The following ADNP variants were observed in gnomAD, a reference collection of about 807,000 sequenced individuals.
ADNP encodes the protein activity dependent neuroprotector homeobox.
Under a neutral mutation model 84.9 loss-of-function variants are expected in ADNP, and 4 were observed. The observed-to-expected ratio is 0.05, with a 90% CI of 0.02 to 0.11. ADNP has a LOEUF of 0.11. ADNP is among the 10% of genes least tolerant of loss of function. The probability of loss-of-function intolerance (pLI) is 1.00; values close to 1 mark genes in which losing one functional copy is unlikely to be tolerated. For missense variants in ADNP, 1,132 were observed against 1,326.0 expected, an observed-to-expected ratio of 0.85 and a Z score of 2.27; for synonymous variants, 554 against 468.1, an observed-to-expected ratio of 1.18 and a Z score of -2.37.
intron 5 of ADNP, among the ~76,000 whole-genome samples, chr20:50,896,621 C>T (rs915407665): frequency 1.1e-4 from 17 of 152,278 alleles, no homozygotes; most frequent in African/African-American, 3.4e-4. Flanking sequence ...CAAACGCATA[C>T]GTTAGTCTAG....
chr20:50,889,273 C>G lies in ADNP; in HGVS notation c.*2132G>C, dbSNP rs545245652. 1 of 152,294 alleles carries G rather than the reference C, an allele frequency of 6.6e-6. No individual in the cohort carries two copies. The highest frequency in any genetic ancestry group is 1.9e-4 in the East Asian group (1 of 5,180). The allele number at this position is 152,294 out of a possible 1,614,324, so 9.4% of individuals were successfully genotyped here. On this transcript the variant is annotated 3_prime_UTR_variant, in exon 6 of 6. Coordinates refer to ENST00000621696, the MANE Select transcript of ADNP (RefSeq NM_001282531.3). Reference sequence around the variant, plus strand: ...GTCTTGTACAAGTCTCATTAGTCCTCCACGTACAACTCAGAAGCCTGTTAA... The same window carrying G: ...GTCTTGTACAAGTCTCATTAGTCCTGCACGTACAACTCAGAAGCCTGTTAA...
intron 2 of ADNP, chr20:50,914,408 G>T: frequency 1.9e-6 from 1 of 520,716 alleles, no homozygotes; most frequent in East Asian, 3.5e-5. Flanking sequence ...AAACAGCTTG[G>T]ATTTCTTCTT....
intron 2 of ADNP, among the ~76,000 whole-genome samples, chr20:50,922,935 G>A (rs1232726557): frequency 6.6e-6 from 1 of 151,886 alleles, no homozygotes; most frequent in Admixed American, 6.6e-5. Flanking sequence ...CCTTCCCCGG[G>A]GTATAGGGCC....
chr20:50,903,778 T>C, intron 4 of ADNP, 111 bp downstream of exon 4: 1 of 767,382 alleles, frequency 1.3e-6, no homozygotes, highest in Non-Finnish European at 2.1e-6. Context: ...AAGCTACTGC[T>C]GTGGCTGAAA....
In ADNP at chr20:50,930,864, TC is replaced by T. The variant is rs1194206046; in HGVS notation, c.-304del. 2.1e-5 allele frequency: 3 copies of T among 145,924 alleles called. No homozygotes were observed. Among genetic ancestry groups the T allele is most frequent in the Non-Finnish European group, 4.6e-5 (3 of 65,492 alleles). The allele number at this position is 145,924 out of a possible 1,614,324, so 9.0% of individuals were successfully genotyped here. A position where few individuals can be genotyped will look rare whatever the true frequency, so the allele number is the denominator to read the frequency against. On this transcript the variant is annotated 5_prime_UTR_variant, in exon 1 of 6. Transcript: ENST00000621696. ...CGAGGCGCGCGCGGGGCCGGCGTGCTCGGGGGCCGGACAGCGGCGGCGGCGG... is the reference window on the plus strand; with the variant it reads ...CGAGGCGCGCGCGGGGCCGGCGTGCTGGGGGCCGGACAGCGGCGGCGGCGG...
intron 4 of ADNP, among the ~76,000 whole-genome samples, chr20:50,903,535 G>A (rs1357316270): frequency 6.6e-6 from 1 of 152,170 alleles, no homozygotes; most frequent in African/African-American, 2.4e-5. Context: ...CAGCTGCAAG[G>A]CTGGGCCTAT....
At chr20:50,911,927 C>G (rs1037586109) in intron 2 of ADNP, among the ~76,000 whole-genome samples, 1 of 151,890 alleles carries the variant, frequency 6.6e-6, no homozygotes, top group African/African-American at 2.4e-5. Flanking sequence ...ATAGTGTGTC[C>G]TACTTTCCTT....
chr20:50,900,111 C>T (rs766857478), intron 5 of ADNP, among the ~76,000 whole-genome samples: 46 of 152,164 alleles, frequency 3.0e-4, no homozygotes, highest in Admixed American at 6.5e-4. Flanking sequence ...CCACTCAGAG[C>T]AACTTCCAGT....
intron 2 of ADNP, among the ~76,000 whole-genome samples, chr20:50,919,096 C>T (rs1441260469): frequency 6.6e-6 from 1 of 151,878 alleles, no homozygotes; most frequent in African/African-American, 2.4e-5. Context: ...ATTATCATTA[C>T]ATATTATCTT....
Position 50,890,433 on chromosome 20 carries a change from A to G in ADNP, c.*972T>C, listed in dbSNP as rs1980565959. On this transcript the variant is annotated 3_prime_UTR_variant, in exon 6 of 6. Coordinates refer to ENST00000621696, the MANE Select transcript of ADNP (RefSeq NM_001282531.3). Reference sequence around the variant, plus strand: ...ATCACAAAATTATACATACTACAACAGTGTGTCATATATTAGATGGTATAA... The same window carrying G: ...ATCACAAAATTATACATACTACAACGGTGTGTCATATATTAGATGGTATAA... 6.6e-6 allele frequency: 1 copy of G among 152,158 alleles called. No individual in the cohort carries two copies. Among genetic ancestry groups the G allele is most frequent in the Admixed American group, 6.5e-5 (1 of 15,276 alleles). 9.4% of individuals were successfully genotyped at this position (152,158 alleles called of 1,614,324 possible).
At chr20:50,915,024 A>T (rs1983403011) in intron 2 of ADNP, among the ~76,000 whole-genome samples, 1 of 152,086 alleles carries the variant, frequency 6.6e-6, no homozygotes, top group African/African-American at 2.4e-5. Context: ...ATGGTTTTTT[A>T]AAAAGGAAGT....
At chr20:50,914,395 G>T (rs941012192) in intron 2 of ADNP, 1 of 554,928 alleles carries the variant, frequency 1.8e-6, no homozygotes, top group Non-Finnish European at 3.3e-6. Context: ...ATGGTAGAAG[G>T]TTAAACAGCT....
At position 50,913,655 on chromosome 20, in the gene ADNP, C is replaced by G. The variant is rs192982068; in HGVS notation, c.-89-8806G>C. 93 of 223,146 alleles carry G rather than the reference C, an allele frequency of 4.2e-4. 1 individual carries two copies. Among genetic ancestry groups the G allele is most frequent in the Admixed American group, 1.9e-3 (44 of 22,822 alleles). 13.8% of individuals were successfully genotyped at this position (223,146 alleles called of 1,614,324 possible). The stretch of plus-strand genomic sequence containing the variant: ...ATTTAAAGAACAGATTTTGTTATGT[C>G]TCTGTGGAAACATTTAGTACCTGTT... On this transcript the variant is annotated intron_variant, in intron 2 of 5. Coordinates refer to ENST00000621696, the MANE Select transcript of ADNP (RefSeq NM_001282531.3).
rs780378714 is a variant in ADNP, at chr20:50,903,919, A to C, written c.78T>G (p.Ile26Met). Residue 26 changes from isoleucine (I) to methionine (M), a missense_variant, in exon 4 of 6, where the codon ATT (isoleucine) becomes ATG (methionine). Physicochemically the swap from Ile to Met is conservative, Grantham distance 10. Coordinates refer to ENST00000621696, the MANE Select transcript of ADNP (RefSeq NM_001282531.3). ...TATGTTCTTTACAGTATTCCAACCC[A>C]ATGTCACTAAGTATTTTTTTCACAG... ...RKTVKKILSDIGLEYCKEHIE... is the reference protein window; with the variant it reads ...RKTVKKILSDMGLEYCKEHIE... The C allele has an allele frequency of 6.2e-7, 1 of 1,613,898 alleles. No individual in the cohort carries two copies.
intron 2 of ADNP, among the ~76,000 whole-genome samples, chr20:50,923,176 C>T (rs1984069848): frequency 1.3e-5 from 2 of 152,152 alleles, no homozygotes; most frequent in Admixed American, 1.3e-4. Flanking sequence ...CAAGAGGACA[C>T]GCAGATATGT....
At chr20:50,923,019 GAC>G (rs1984057508) in intron 2 of ADNP, among the ~76,000 whole-genome samples, 1 of 152,002 alleles carries the variant, frequency 6.6e-6, no homozygotes, top group Non-Finnish European at 1.5e-5. Context: ...CTTGCCTTGG[GAC>G]ACGTGTAAGG....
intron 2 of ADNP, among the ~76,000 whole-genome samples, chr20:50,925,812 GGA>G (rs774977724): frequency 4.3e-4 from 66 of 152,304 alleles, no homozygotes; most frequent in Middle Eastern, 3.4e-3. Context: ...TACAAAACTA[GGA>G]GAGGGGCTGG....
chr20:50,909,809 T>C (rs1045838096), intron 2 of ADNP: 1 of 152,216 alleles, frequency 6.6e-6, no homozygotes, highest in Non-Finnish European at 1.5e-5. Context: ...TGTAAGATAA[T>C]GACCAGTAGA....
At chr20:50,929,853 TTGTC>T (rs1262492919) in intron 1 of ADNP, among the ~76,000 whole-genome samples, 1 of 152,120 alleles carries the variant, frequency 6.6e-6, no homozygotes, top group Admixed American at 6.5e-5. Flanking sequence ...TCCTAAGCCT[TTGTC>T]TGTGAAATGG....
Sources: gnomAD v4.1 joint callset for allele counts (sites outside exome capture counted in the v4.1 genomes callset) on GRCh38, gnomAD v4.1.1 for gene constraint, MANE v1.5 for transcripts, NCBI Gene and HGNC (gene_info 2026-07-23, HGNC 2026-07-21) for gene names.